The following DRC3 variants were observed in gnomAD, a reference collection of about 807,000 sequenced individuals.
DRC3 encodes the protein dynein regulatory complex subunit 3, also known as leucine rich repeat containing 48.
Under a neutral mutation model 57.6 loss-of-function variants are expected in DRC3, and 45 were observed. The observed-to-expected ratio is 0.78, with a 90% CI of 0.62 to 1.00. The LOEUF is 1.00. Ranked by LOEUF, DRC3 falls within the 50% of genes least tolerant of loss-of-function variation. The pLI is 0.00. For synonymous variants in DRC3, 257 were observed against 272.3 expected (o/e 0.94, Z 0.55); for missense variants, 655 against 675.2 (o/e 0.97, Z 0.33).
chr17:18,014,074 A>G (rs544374594), intron 12 of DRC3, among the ~76,000 whole-genome samples: 2 of 152,150 alleles, frequency 1.3e-5, no homozygotes, highest in South Asian at 4.2e-4. Context: ...ATGGGATTAC[A>G]GGCACCCGCC....
At chr17:17,999,706 T>C (rs1441168371) in intron 9 of DRC3, among the ~76,000 whole-genome samples, 1 of 152,186 alleles carries the variant, frequency 6.6e-6, no homozygotes, top group East Asian at 1.9e-4. Context: ...ATTTCCTCAT[T>C]TGCAGAACAG....
intron 12 of DRC3, among the ~76,000 whole-genome samples, chr17:18,013,206 G>A (rs989028302): frequency 2.0e-4 from 30 of 152,296 alleles, no homozygotes; most frequent in African/African-American, 6.5e-4. Flanking sequence ...AAGTAAGAAT[G>A]TAAACTAGGA....
intron 3 of DRC3, among the ~76,000 whole-genome samples, chr17:17,978,301 T>A (rs2042485819): frequency 6.6e-6 from 1 of 152,168 alleles, no homozygotes; most frequent in Non-Finnish European, 1.5e-5. Context: ...ACTGCTTCAA[T>A]GTCCCGTCTG....
Position 17,992,845 on chromosome 17 carries a change from G to A in DRC3, c.525G>A (p.Lys175=). ...RNPISEAEDY[K]MFICAYLPDL... ...CTATCTCTGAGGCAGAGGATTACAA[G>A]ATGTTCATCTGTGCCTACCTTCCTG... Residue 175 remains lysine, a synonymous_variant, in exon 6 of 14, where the codon AAG becomes AAA. Coordinates refer to ENST00000399187, the MANE Select transcript of DRC3 (RefSeq NM_031294.4). The A allele has an allele frequency of 6.2e-7, 1 of 1,613,996 alleles. No individual in the cohort carries two copies. Among genetic ancestry groups the A allele is most frequent in the Non-Finnish European group, 8.5e-7 (1 of 1,179,882 alleles).
Position 17,997,605 on chromosome 17 carries a change from A to T in DRC3, c.970A>T (p.Ile324Phe), listed in dbSNP as rs1336975763. Residue 324 changes from isoleucine (I) to phenylalanine (F), a missense_variant, in exon 9 of 14, where the codon ATT (isoleucine) becomes TTT (phenylalanine). Coordinates refer to ENST00000399187, the MANE Select transcript of DRC3 (RefSeq NM_031294.4). ...QENQEQGKRK[I>F]AKFEEKHLSS... ...AAACCAGGAGCAGGGCAAACGCAAG[A>T]TTGCCAAATTCGAGGAGAAGCACTT... 1.9e-6 allele frequency: 3 copies of T among 1,609,614 alleles called. No homozygotes were observed. In the East Asian group the frequency reaches 6.7e-5, roughly 36 times the overall value.
chr17:18,004,254 G>C (rs2043862063), intron 9 of DRC3, 109 bp from the exon 10 acceptor site: 1 of 1,192,636 alleles, frequency 8.4e-7, no homozygotes, highest in South Asian at 1.4e-5. Flanking sequence ...ACTTGCACTT[G>C]GGCAGGCTGA....
chr17:17,998,982 C>A (rs1365773215), intron 9 of DRC3, among the ~76,000 whole-genome samples: 3 of 152,194 alleles, frequency 2.0e-5, no homozygotes, highest in Admixed American at 6.5e-5. Flanking sequence ...TGGCAGTTGT[C>A]CCCTCTGGAC....
chr17:17,995,191 A>G (rs2043407501), intron 8 of DRC3, 80 bp downstream of exon 8: 1 of 948,796 alleles, frequency 1.1e-6, no homozygotes, highest in Admixed American at 2.1e-5. Flanking sequence ...TCTAGGCCTC[A>G]GTTTCTTCAT....
intron 5 of DRC3, among the ~76,000 whole-genome samples, 160 bp from the exon 6 acceptor site, chr17:17,992,605 T>A (rs548241878): frequency 2.0e-5 from 3 of 152,274 alleles, no homozygotes; most frequent in African/African-American, 7.2e-5. Flanking sequence ...CTTCCCAGCC[T>A]GGAACACCCC....
chr17:18,015,677 C>T, intron 12 of DRC3: 1 of 186,328 alleles, frequency 5.4e-6, no homozygotes, highest in Non-Finnish European at 1.1e-5. Context: ...CAGCCTCATG[C>T]TTCCACCCAG....
At chr17:17,993,012 C>G in intron 6 of DRC3, 101 bp downstream of exon 6, 1 of 1,290,144 alleles carries the variant, frequency 7.8e-7, no homozygotes, top group Non-Finnish European at 1.1e-6. Flanking sequence ...CCCCTGCCCA[C>G]AACTAGGAGA....
At chr17:17,978,480 T>C (rs2042495536) in intron 3 of DRC3, among the ~76,000 whole-genome samples, 1 of 152,146 alleles carries the variant, frequency 6.6e-6, no homozygotes, top group African/African-American at 2.4e-5. Context: ...CCCCCCTTTG[T>C]ATCATGTGCA....
chr17:18,003,212 C>T (rs1381185376), intron 9 of DRC3, among the ~76,000 whole-genome samples: 2 of 151,986 alleles, frequency 1.3e-5, no homozygotes, highest in Non-Finnish European at 2.9e-5. Flanking sequence ...TGGCTGGGCA[C>T]AGTGGCTCAC....
intron 4 of DRC3, among the ~76,000 whole-genome samples, chr17:17,986,129 C>A (rs1049868687): frequency 6.6e-6 from 1 of 152,200 alleles, no homozygotes; most frequent in Non-Finnish European, 1.5e-5. Flanking sequence ...CCAGGCTGAT[C>A]TCGAACTGCT....
chr17:18,009,100 A>C (rs2044080592), intron 12 of DRC3, among the ~76,000 whole-genome samples: 1 of 152,158 alleles, frequency 6.6e-6, no homozygotes, highest in East Asian at 1.9e-4. Context: ...TCTAAGCAAC[A>C]AAAAATGTGA....
chr17:18,007,068 T>A lies in DRC3; in HGVS notation c.1247T>A (p.Leu416His). Residue 416 changes from leucine (L) to histidine (H), a missense_variant, in exon 12 of 14, where the codon CTC becomes CAC. Physicochemically the swap from Leu to His is moderately conservative, Grantham distance 99 (BLOSUM62 -3). Coordinates refer to ENST00000399187, the MANE Select transcript of DRC3 (RefSeq NM_031294.4). ...RDLENHHHEKLLEISISTLEK... is the reference protein window; with the variant it reads ...RDLENHHHEKHLEISISTLEK... Reference sequence around the variant, plus strand: ...CTGGAGAATCACCACCACGAGAAGCTCCTGGAGATCTCTATCAGCACCCTG... The same window carrying A: ...CTGGAGAATCACCACCACGAGAAGCACCTGGAGATCTCTATCAGCACCCTG... 6.9e-7 allele frequency: 1 copy of A among 1,442,546 alleles called. No homozygotes were observed. Among genetic ancestry groups the A allele is most frequent in the Non-Finnish European group, 9.2e-7 (1 of 1,085,912 alleles). The allele number at this position is 1,442,546 out of a possible 1,614,324, so 89.4% of individuals were successfully genotyped here. A position where few individuals can be genotyped will look rare whatever the true frequency, so the allele number is the denominator to read the frequency against.
intron 10 of DRC3, 27 bp from the exon 11 acceptor site, chr17:18,006,156 G>GT (rs1555630919): frequency 6.4e-7 from 1 of 1,563,414 alleles, no homozygotes; most frequent in South Asian, 1.1e-5. Context: ...AAATATGCAT[G>GT]TTAACTGTGT....
intron 9 of DRC3, among the ~76,000 whole-genome samples, chr17:18,000,523 T>C (rs745645549): frequency 1.2e-4 from 19 of 152,220 alleles, no homozygotes; most frequent in Non-Finnish European, 2.8e-4. Flanking sequence ...CCAGTCCCTG[T>C]TGATGGACAG....
At chr17:17,980,713 G>A (rs1462035038) in intron 3 of DRC3, among the ~76,000 whole-genome samples, 2 of 150,672 alleles carry the variant, frequency 1.3e-5, no homozygotes, top group African/African-American at 4.9e-5. Context: ...TCTTGCCTCA[G>A]CCTCCAGAGT....
Sources: allele counts gnomAD v4.1 joint callset (sites outside exome capture counted in the v4.1 genomes callset), GRCh38; gene constraint gnomAD v4.1.1; transcripts MANE v1.5; gene names NCBI Gene and HGNC (gene_info 2026-07-23, HGNC 2026-07-21).